DPP6: variants seen among roughly 807,000 people sequenced by gnomAD.
The protein encoded by DPP6 is dipeptidyl peptidase like 6.
In DPP6, 69 loss-of-function variants were observed where a neutral mutation model predicts 122.6. The observed-to-expected ratio is 0.56, with a 90% CI of 0.46 to 0.69. The LOEUF (loss-of-function observed/expected upper bound fraction) is 0.69, where lower values mean the gene tolerates loss of function less well. Among genes scored for constraint, DPP6 ranks in the 30% least tolerant of loss-of-function variants. The pLI, the probability that DPP6 is intolerant of heterozygous loss-of-function variation, is 0.00. For missense variants in DPP6, 928 were observed against 1,116.9 expected, an observed-to-expected ratio of 0.83 and a Z score of 2.41; for synonymous variants, 418 against 433.1, an observed-to-expected ratio of 0.97 and a Z score of 0.43.
At chr7:154,855,908 AG>A (rs1802794216) in intron 17 of DPP6, among the ~76,000 whole-genome samples, 1 of 152,082 alleles carries the variant, frequency 6.6e-6, no homozygotes, top group Non-Finnish European at 1.5e-5. Flanking sequence ...GGTATTTGTG[AG>A]GTTTTCCCCT....
chr7:154,772,433 C>T (rs879939231), intron 9 of DPP6, among the ~76,000 whole-genome samples: 48 of 152,138 alleles, frequency 3.2e-4, no homozygotes, highest in African/African-American at 1.2e-3. Flanking sequence ...TTTTGAAGGA[C>T]TTAATCTCTC....
intron 1 of DPP6, among the ~76,000 whole-genome samples, chr7:154,062,314 C>A (rs1285901726): frequency 1.3e-5 from 1 of 75,910 alleles, no homozygotes; most frequent in African/African-American, 5.3e-5. Context: ...CTGAGGACCC[C>A]CATCGCAGGA....
intron 1 of DPP6, among the ~76,000 whole-genome samples, chr7:154,276,305 A>G (rs2150942434): frequency 6.6e-6 from 1 of 152,328 alleles, no homozygotes; most frequent in Non-Finnish European, 1.5e-5. Context: ...CTGAAATCAG[A>G]TTCTGTGCTA....
At chr7:153,826,260 G>T in the DPP6 span, among the ~76,000 whole-genome samples, 9,951 of 152,276 alleles carry the variant, frequency 0.065, 354 homozygotes, top group Non-Finnish European at 0.082. Flanking sequence ...ATAAAAGTCA[G>T]CTTTGGGAAT....
intron 1 of DPP6, among the ~76,000 whole-genome samples, chr7:154,033,927 A>G (rs1799386130): frequency 6.6e-6 from 1 of 152,192 alleles, no homozygotes; most frequent in Non-Finnish European, 1.5e-5. Context: ...TTTGAGTGGA[A>G]CTAAACTACA....
chr7:154,022,545 G>C (rs1379254222), intron 1 of DPP6, among the ~76,000 whole-genome samples: 1 of 152,228 alleles, frequency 6.6e-6, no homozygotes, highest in Non-Finnish European at 1.5e-5. Context: ...CCTAATATGT[G>C]ATTGAAAGAT....
At chr7:154,469,684 C>T (rs1405930749) in intron 2 of DPP6, among the ~76,000 whole-genome samples, 1 of 152,166 alleles carries the variant, frequency 6.6e-6, no homozygotes, top group Non-Finnish European at 1.5e-5. Context: ...TAAGAATCTA[C>T]CGAGGAAATA....
rs1455358168 is a variant in DPP6 at position 154,446,352 on chromosome 7, G to C, written c.358+24G>C. ...AGGTACTGTATTCATTCTTGGAAAA[G>C]CAAGTCGCTGTCAGAGAGAAAGAGC... is the stretch of plus-strand genomic sequence containing the variant. On this transcript the variant is annotated intron_variant, in intron 2 of 25. Transcript: ENST00000377770. 2.5e-6 allele frequency: 4 copies of C among 1,569,610 alleles called. No homozygotes were observed. In the African/African-American group the frequency reaches 5.4e-5, roughly 21 times the overall value.
intron 1 of DPP6, among the ~76,000 whole-genome samples, chr7:154,343,654 C>G (rs773241082): frequency 2.0e-5 from 3 of 152,222 alleles, no homozygotes; most frequent in Non-Finnish European, 4.4e-5. Context: ...GATCTCGGCT[C>G]ACTGCACCCT....
At position 154,876,009 on chromosome 7, in the gene DPP6, C is replaced by A; in HGVS notation, c.1987C>A (p.Arg663Ser). ...CGCGGTGGTGGTAAAGTGTGACGGCCGTGGCAGCGGCTTCCAAGGGACCAA... is the reference window on the plus strand; with the variant it reads ...CGCGGTGGTGGTAAAGTGTGACGGCAGTGGCAGCGGCTTCCAAGGGACCAA... ...HGAVVVKCDGRGSGFQGTKLL... is the reference protein window; with the variant it reads ...HGAVVVKCDGSGSGFQGTKLL... Residue 663 changes from arginine (R) to serine (S), a missense_variant, in exon 20 of 26, where the codon CGT (arginine) becomes AGT (serine). By Grantham distance (110) the Arg-to-Ser change is moderately radical. Transcript: ENST00000377770. The A allele has an allele frequency of 6.2e-7, 1 of 1,613,210 alleles. No individual in the cohort carries two copies. The highest frequency in any genetic ancestry group is 8.5e-7 in the Non-Finnish European group (1 of 1,179,666).
In DPP6 at chr7:154,425,841, CTA is replaced by C. The variant is rs1297936986; in HGVS notation, c.244-20371_244-20370del. 7.9e-5 allele frequency among the ~76,000 whole-genome samples: 12 copies of C among 152,056 alleles called. No homozygotes were observed. The East Asian group carries it at 2.3e-3, about 29-fold the overall frequency. The stretch of plus-strand genomic sequence containing the variant: ...AATGTTTTGTAGAGATGGGGTCTCT[CTA>C]TGTTGCCCAGGCTGATTTTGAACTC... On this transcript the variant is annotated intron_variant, in intron 1 of 25. Transcript: ENST00000377770.
chr7:153,964,778 GCTC>G (rs1795553526), intron 1 of DPP6, among the ~76,000 whole-genome samples: 1 of 104,830 alleles, frequency 9.5e-6, no homozygotes, highest in South Asian at 4.4e-4. Flanking sequence ...CTTCTCCGTG[GCTC>G]CTTTCCTTTC....
At chr7:154,819,558 C>T (rs921733946) in intron 16 of DPP6, among the ~76,000 whole-genome samples, 3 of 152,116 alleles carry the variant, frequency 2.0e-5, no homozygotes, top group African/African-American at 7.2e-5. Flanking sequence ...GTGAGATTTC[C>T]CACTAGCCAG....
chr7:154,455,229 G>A (rs1167475842), intron 2 of DPP6, among the ~76,000 whole-genome samples: 3 of 152,090 alleles, frequency 2.0e-5, no homozygotes, highest in African/African-American at 4.8e-5. Context: ...TCGGTTCCCC[G>A]GAGCTGCGAG....
intron 1 of DPP6, among the ~76,000 whole-genome samples, chr7:154,399,468 C>T (rs1409358428): frequency 2.6e-5 from 4 of 152,108 alleles, no homozygotes; most frequent in Non-Finnish European, 5.9e-5. Context: ...CGGTTAACCT[C>T]GCAGAATTGT....
intron 20 of DPP6, among the ~76,000 whole-genome samples, chr7:154,880,202 C>T (rs377548053): frequency 6.5e-4 from 99 of 152,328 alleles, no homozygotes; most frequent in African/African-American, 2.4e-3. Flanking sequence ...GGACCCCAGC[C>T]ACTTCGTGGG....
chr7:154,371,243 G>C (rs1220775327), intron 1 of DPP6, among the ~76,000 whole-genome samples: 2 of 151,746 alleles, frequency 1.3e-5, no homozygotes, highest in Non-Finnish European at 2.9e-5. Flanking sequence ...GCCAGGCATG[G>C]TGGCAGGCAC....
intron 1 of DPP6, among the ~76,000 whole-genome samples, chr7:153,962,424 T>G (rs1459230660): frequency 6.6e-6 from 1 of 152,208 alleles, no homozygotes; most frequent in Non-Finnish European, 1.5e-5. Flanking sequence ...TCGTCTTTTG[T>G]GCTTCTCTTC....
At chr7:154,236,610 G>A (rs1226520996) in intron 1 of DPP6, among the ~76,000 whole-genome samples, 1 of 152,148 alleles carries the variant, frequency 6.6e-6, no homozygotes, top group Non-Finnish European at 1.5e-5. Context: ...CATGACCTGT[G>A]CATGGGTGAG....
Sources: allele counts gnomAD v4.1 joint callset (sites outside exome capture counted in the v4.1 genomes callset), GRCh38; gene constraint gnomAD v4.1.1; transcripts MANE v1.5; gene names NCBI Gene and HGNC (gene_info 2026-07-23, HGNC 2026-07-21).